The following PRKN variants were observed in gnomAD, a reference collection of about 807,000 sequenced individuals.
PRKN encodes E3 ubiquitin-protein ligase parkin.
In PRKN, 56 loss-of-function variants were observed where a neutral mutation model predicts 59.5. The observed-to-expected ratio is 0.94, with a 90% CI of 0.76 to 1.18. The LOEUF (loss-of-function observed/expected upper bound fraction) is 1.18, where lower values mean the gene tolerates loss of function less well. Among genes scored for constraint, PRKN ranks in the 50% most tolerant of loss-of-function variants. The pLI is 0.00. For missense variants in PRKN, 657 were observed against 596.4 expected, an observed-to-expected ratio of 1.10 and a Z score of -1.06; for synonymous variants, 250 against 222.1, an observed-to-expected ratio of 1.13 and a Z score of -1.12.
intron 4 of PRKN, among the ~76,000 whole-genome samples, chr6:162,132,507 A>G (rs1310258510): frequency 3.3e-5 from 5 of 152,216 alleles, no homozygotes; most frequent in African/African-American, 1.2e-4. Context: ...CACGATGGAC[A>G]TAATAACTAT....
chr6:162,380,509 G>GTATATATATA (rs34461270), intron 2 of PRKN, among the ~76,000 whole-genome samples: 3 of 41,644 alleles, frequency 7.2e-5, no homozygotes, highest in African/African-American at 1.8e-4. Flanking sequence ...ATATATGTGT[G>GTATATATATA]TATATATATA....
At chr6:161,604,373 C>G (rs2128144323) in intron 7 of PRKN, among the ~76,000 whole-genome samples, 1 of 152,294 alleles carries the variant, frequency 6.6e-6, no homozygotes, top group South Asian at 2.1e-4. Flanking sequence ...GAAGCTGCCT[C>G]CAGGAGGATG....
rs117273795 is a variant in PRKN, at chr6:161,590,091, G to C, written c.872-20675C>G. 5.5e-4 allele frequency among the ~76,000 whole-genome samples: 84 copies of C among 152,088 alleles called. 1 individual carries two copies. In the East Asian group the frequency reaches 0.016, roughly 28 times the overall value. On this transcript the variant is annotated intron_variant, in intron 7 of 11. Transcript: ENST00000366898. ...GGCGTGAGCCACTGTGCCTGGGCTA[G>C]AGTATTAAATTCTGAAATGCAATTA...
chr6:162,276,806 A>C (rs1327202287), intron 2 of PRKN, among the ~76,000 whole-genome samples: 1 of 152,068 alleles, frequency 6.6e-6, no homozygotes, highest in East Asian at 1.9e-4. Flanking sequence ...TTAATTCTAC[A>C]GTAGTATATA....
chr6:162,334,020 A>G (rs867529205), intron 2 of PRKN, among the ~76,000 whole-genome samples: 1 of 152,206 alleles, frequency 6.6e-6, no homozygotes, highest in Non-Finnish European at 1.5e-5. Flanking sequence ...CCAAAGCCTA[A>G]TCTAAAGCAA....
chr6:161,524,779 A>G (rs1050869641), intron 9 of PRKN, among the ~76,000 whole-genome samples: 4 of 152,128 alleles, frequency 2.6e-5, no homozygotes, highest in Non-Finnish European at 5.9e-5. Context: ...TGATGATTAA[A>G]AGTTTTCAAA....
At position 161,475,153 on chromosome 6, in the gene PRKN, C is replaced by T. The variant is rs566820238; in HGVS notation, c.1083+73701G>A. Among the ~76,000 whole-genome samples the T allele has an allele frequency of 5.9e-5, 9 of 152,256 alleles. No individual in the cohort carries two copies. Among genetic ancestry groups the T allele is most frequent in the South Asian group, 4.1e-4 (2 of 4,820 alleles). On this transcript the variant is annotated intron_variant, in intron 9 of 11. Transcript: ENST00000366898. The surrounding 1 kb of genome is among the most constrained non-coding windows in gnomAD (Gnocchi z 5.3). Reference sequence around the variant, plus strand: ...CTCATGATCTGCCTGCCTCTCAAAGCGCTGGGATTGCAGGCATAAGCCACC... The same window carrying T: ...CTCATGATCTGCCTGCCTCTCAAAGTGCTGGGATTGCAGGCATAAGCCACC...
intron 5 of PRKN, among the ~76,000 whole-genome samples, chr6:162,043,780 G>A (rs1784152902): frequency 1.3e-5 from 2 of 152,212 alleles, no homozygotes; most frequent in African/African-American, 4.8e-5. Flanking sequence ...GAAGCAGCAG[G>A]AAGAGAAAGG....
intron 6 of PRKN, among the ~76,000 whole-genome samples, chr6:161,943,062 A>C (rs901442916): frequency 4.6e-5 from 7 of 152,222 alleles, no homozygotes; most frequent in African/African-American, 7.2e-5. Context: ...AAATGATATC[A>C]AACTTTTTTA....
At chr6:162,710,718 C>T (rs774338781) in intron 1 of PRKN, among the ~76,000 whole-genome samples, 1 of 152,006 alleles carries the variant, frequency 6.6e-6, no homozygotes. Context: ...GAGGCCCCTG[C>T]CCACTATAAT....
At chr6:162,312,233 T>C (rs1782548044) in intron 2 of PRKN, among the ~76,000 whole-genome samples, 1 of 152,164 alleles carries the variant, frequency 6.6e-6, no homozygotes, top group Admixed American at 6.5e-5. Context: ...TGTTTCATTT[T>C]ATGGCCTTAG....
intron 7 of PRKN, among the ~76,000 whole-genome samples, chr6:161,740,335 T>A (rs1788136903): frequency 2.0e-5 from 3 of 152,208 alleles, no homozygotes; most frequent in Admixed American, 6.5e-5. Flanking sequence ...ATCAACTACG[T>A]ACACAAAGGT....
In PRKN at chr6:161,352,194, G is replaced by A. The variant is rs1784575700; in HGVS notation, c.1286-1983C>T. Among the ~76,000 whole-genome samples, 2 of 152,154 alleles carry A rather than the reference G, an allele frequency of 1.3e-5. No homozygotes were observed. Among genetic ancestry groups the A allele is most frequent in the Admixed American group, 6.6e-5 (1 of 15,266 alleles). ...TGATTTTTCCTGCCAAATTTTCCAA[G>A]TAATTGGTTCGGTGCTGTCTCACTT... On this transcript the variant is annotated intron_variant, in intron 11 of 11. Transcript: ENST00000366898. This position sits in a 1 kb window ranked among gnomAD's most constrained non-coding sequence, Gnocchi z 5.8.
intron 9 of PRKN, among the ~76,000 whole-genome samples, chr6:161,441,896 G>T (rs976085205): frequency 6.6e-6 from 1 of 151,854 alleles, no homozygotes; most frequent in Non-Finnish European, 1.5e-5. Flanking sequence ...AGCGTCTGGC[G>T]GCTGGCAAAG....
chr6:161,995,319 A>G (rs767658296), intron 5 of PRKN, among the ~76,000 whole-genome samples: 1 of 152,192 alleles, frequency 6.6e-6, no homozygotes, highest in Non-Finnish European at 1.5e-5. Context: ...TAGAACTACT[A>G]GAAGAAAACA....
At chr6:161,981,778 GT>G (rs1781267527) in intron 5 of PRKN, among the ~76,000 whole-genome samples, 1 of 152,098 alleles carries the variant, frequency 6.6e-6, no homozygotes, top group Non-Finnish European at 1.5e-5. Context: ...TGTACACTTT[GT>G]TAAATTAACA....
intron 9 of PRKN, among the ~76,000 whole-genome samples, chr6:161,449,208 GC>G (rs1246942921): frequency 6.6e-6 from 1 of 152,118 alleles, no homozygotes; most frequent in East Asian, 1.9e-4. Context: ...AAATAGTAAT[GC>G]CCCGGTTTCA....
At chr6:161,823,460 G>A (rs1174274657) in intron 6 of PRKN, among the ~76,000 whole-genome samples, 4 of 152,008 alleles carry the variant, frequency 2.6e-5, no homozygotes, top group Non-Finnish European at 5.9e-5. Context: ...CCAAACAAAC[G>A]AATCTTTAAA....
Position 161,484,742 on chromosome 6 carries a change from G to C in PRKN, c.1083+64112C>G, listed in dbSNP as rs1374279388. On this transcript the variant is annotated intron_variant, in intron 9 of 11. Transcript: ENST00000366898. The surrounding 1 kb of genome is among the most constrained non-coding windows in gnomAD (Gnocchi z 4.9). The stretch of plus-strand genomic sequence containing the variant: ...CCCTGCCTCTACCCGCTAGATGCTA[G>C]AAGCATCCCCCTGTTGTGATGACCA... Among the ~76,000 whole-genome samples the C allele has an allele frequency of 6.6e-6, 1 of 152,206 alleles. No homozygotes were observed. The highest frequency in any genetic ancestry group is 1.5e-5 in the Non-Finnish European group (1 of 68,040).
Sources: gnomAD v4.1 joint callset for allele counts (sites outside exome capture counted in the v4.1 genomes callset) on GRCh38, gnomAD v4.1.1 for gene constraint, Gnocchi (gnomAD v3.1) non-coding constraint, MANE v1.5 for transcripts, NCBI Gene and HGNC (gene_info 2026-07-23, HGNC 2026-07-21) for gene names.